The following GABRA2 variants were observed in gnomAD, a reference collection of about 807,000 sequenced individuals.
GABRA2 encodes gamma-aminobutyric acid type A receptor subunit alpha2.
A neutral mutation model predicts 48.7 loss-of-function variants in GABRA2; 16 were observed. That is an observed-to-expected ratio of 0.33 (90% CI 0.22 to 0.50). The LOEUF (loss-of-function observed/expected upper bound fraction) is 0.50. GABRA2 is among the 20% of genes least tolerant of loss of function. The probability of loss-of-function intolerance (pLI) is 0.98; values close to 1 mark genes in which losing one functional copy is unlikely to be tolerated. For missense variants in GABRA2, 275 were observed against 535.6 expected, an observed-to-expected ratio of 0.51 and a Z score of 4.80; for synonymous variants, 185 against 184.5, an observed-to-expected ratio of 1.00 and a Z score of -0.02.
chr4:46,352,531 C>T (rs923891750), intron 3 of GABRA2, among the ~76,000 whole-genome samples: 9 of 151,930 alleles, frequency 5.9e-5, no homozygotes, highest in African/African-American at 1.2e-4. Context: ...AATACAAAAA[C>T]GAAATGCATC....
At chr4:46,378,984 C>T (rs903454504) in intron 3 of GABRA2, among the ~76,000 whole-genome samples, 1 of 152,154 alleles carries the variant, frequency 6.6e-6, no homozygotes, top group African/African-American at 2.4e-5. Context: ...TCCTATAAAA[C>T]AATCACAAGC....
rs1338715111 is a variant in GABRA2, at chr4:46,265,503, T to TATTATATATATATAC, written c.857-3376_857-3375insGTATATATATATAAT. Among the ~76,000 whole-genome samples the TATTATATATATATAC allele has an allele frequency of 5.6e-4, 79 of 139,890 alleles. 1 individual carries two copies. Among genetic ancestry groups the TATTATATATATATAC allele is most frequent in the Middle Eastern group, 3.6e-3 (1 of 276 alleles). 91.8% of individuals were successfully genotyped at this position (139,890 alleles called of 152,430 possible). A position where few individuals can be genotyped will look rare whatever the true frequency, so the allele number is the denominator to read the frequency against. ...TGTATATATTATATATATATATATA[T>TATTATATATATATAC]GTTTTCTCTATGGTCAGAAGTGATG... is the stretch of plus-strand genomic sequence containing the variant. On this transcript the variant is annotated intron_variant, in intron 8 of 9. Coordinates refer to ENST00000381620, the MANE Select transcript of GABRA2 (RefSeq NM_000807.4).
At position 46,389,468 on chromosome 4, in the gene GABRA2, C is replaced by T. The variant is rs1039640184; in HGVS notation, c.-11+267G>A. On this transcript the variant is annotated intron_variant, in intron 1 of 9. Coordinates refer to ENST00000381620, the MANE Select transcript of GABRA2 (RefSeq NM_000807.4). ...CCAGCCAGGCAGGCAGCGGTAATCA[C>T]AGTGAGCAAAGTTGAAGACTATAAA... 5.5e-6 allele frequency: 5 copies of T among 907,152 alleles called. No individual in the cohort carries two copies. In the African/African-American group the frequency reaches 7.2e-5, roughly 13 times the overall value. 56.2% of individuals were successfully genotyped at this position (907,152 alleles called of 1,614,324 possible).
At chr4:46,309,434 G>A (rs1727257425) in intron 6 of GABRA2, among the ~76,000 whole-genome samples, 1 of 152,034 alleles carries the variant, frequency 6.6e-6, no homozygotes, top group East Asian at 1.9e-4. Context: ...AAAAGGTCAG[G>A]CAATAGGACA....
intron 8 of GABRA2, among the ~76,000 whole-genome samples, chr4:46,277,898 A>G (rs549812659): frequency 6.6e-6 from 1 of 152,302 alleles, no homozygotes; most frequent in African/African-American, 2.4e-5. Context: ...CCTATTTTTA[A>G]TCAATGAAAA....
intron 2 of GABRA2, among the ~76,000 whole-genome samples, chr4:46,387,523 C>T (rs1187118763): frequency 2.0e-5 from 3 of 152,066 alleles, no homozygotes; most frequent in African/African-American, 7.2e-5. Context: ...ACTTTATACC[C>T]TCTAGCCTCA....
chr4:46,299,275 G>A (rs1401499994), intron 8 of GABRA2, among the ~76,000 whole-genome samples: 1 of 151,644 alleles, frequency 6.6e-6, no homozygotes, highest in African/African-American at 2.4e-5. Flanking sequence ...TTATATAGGT[G>A]CGTACACTTT....
intron 3 of GABRA2, among the ~76,000 whole-genome samples, chr4:46,352,794 T>C (rs560026179): frequency 2.0e-5 from 3 of 152,182 alleles, no homozygotes; most frequent in African/African-American, 7.2e-5. Flanking sequence ...GATGTGAGCA[T>C]CCATATTGAC....
intron 8 of GABRA2, among the ~76,000 whole-genome samples, chr4:46,289,911 TTA>T (rs1723276854): frequency 7.9e-6 from 1 of 126,298 alleles, no homozygotes; most frequent in Non-Finnish European, 1.5e-5. Flanking sequence ...TTATTTATTT[TTA>T]TTTTTTTTTT....
intron 8 of GABRA2, among the ~76,000 whole-genome samples, chr4:46,265,782 A>C (rs2109371356): frequency 6.6e-6 from 1 of 151,704 alleles, no homozygotes; most frequent in Admixed American, 6.6e-5. Context: ...TTGATTTGAG[A>C]ATTTTTTTTC....
intron 4 of GABRA2, among the ~76,000 whole-genome samples, chr4:46,329,898 T>C (rs189274397): frequency 2.0e-5 from 3 of 152,174 alleles, no homozygotes; most frequent in African/African-American, 7.2e-5. Flanking sequence ...AGCAATCTCA[T>C]AGAAATTTTT....
chr4:46,310,579 CA>C (rs1406699555), intron 5 of GABRA2, among the ~76,000 whole-genome samples: 3 of 151,458 alleles, frequency 2.0e-5, no homozygotes, highest in Admixed American at 1.3e-4. Context: ...TCTTAAGGGC[CA>C]AAAAAAATCT....
At chr4:46,370,191 A>C (rs1321524130) in intron 3 of GABRA2, among the ~76,000 whole-genome samples, 1 of 152,166 alleles carries the variant, frequency 6.6e-6, no homozygotes, top group African/African-American at 2.4e-5. Flanking sequence ...AAGCTGAAAA[A>C]AAAAGCATCA....
In GABRA2 at chr4:46,256,237, G is replaced by T. The variant is rs1322098575; in HGVS notation, c.1060-5633C>A. 2.9e-6 allele frequency: 2 copies of T among 693,216 alleles called. No individual in the cohort carries two copies. The highest frequency in any genetic ancestry group is 5.3e-6 in the Non-Finnish European group (2 of 379,622). The allele number at this position is 693,216 out of a possible 1,614,324, so 42.9% of individuals were successfully genotyped here. ...TTAAACAGTCCATCCACTTCTCTAA[G>T]TACTCTAAAGTCTTTTCTTGGAATA... is the stretch of plus-strand genomic sequence containing the variant. On this transcript the variant is annotated intron_variant, in intron 9 of 9. Coordinates refer to ENST00000381620, the MANE Select transcript of GABRA2 (RefSeq NM_000807.4).
intron 3 of GABRA2, among the ~76,000 whole-genome samples, chr4:46,362,210 T>C (rs554204897): frequency 1.5e-3 from 223 of 152,242 alleles, no homozygotes; most frequent in Non-Finnish European, 2.7e-3. Flanking sequence ...GGGAGGTAAC[T>C]GAATCATGAG....
chr4:46,338,694 T>C (rs2109842959), intron 3 of GABRA2, among the ~76,000 whole-genome samples: 1 of 152,020 alleles, frequency 6.6e-6, no homozygotes, highest in South Asian at 2.1e-4. Context: ...TCTTGGAAAG[T>C]TGCAATTTCC....
At chr4:46,277,143 C>T (rs1403132644) in intron 8 of GABRA2, among the ~76,000 whole-genome samples, 1 of 152,108 alleles carries the variant, frequency 6.6e-6, no homozygotes, top group South Asian at 2.1e-4. Context: ...AGTCAGGCCA[C>T]CTATATTCCT....
At chr4:46,370,388 A>T (rs1250873378) in intron 3 of GABRA2, among the ~76,000 whole-genome samples, 1 of 152,062 alleles carries the variant, frequency 6.6e-6, no homozygotes, top group Admixed American at 6.6e-5. Context: ...AAAGAACAGT[A>T]GAGGGACAAA....
intron 8 of GABRA2, among the ~76,000 whole-genome samples, chr4:46,272,658 G>A (rs1469662892): frequency 1.3e-5 from 2 of 151,866 alleles, no homozygotes; most frequent in African/African-American, 4.8e-5. Context: ...CAAAGTTAAC[G>A]GGGTTCCCCA....
Sources: allele counts gnomAD v4.1 joint callset (sites outside exome capture counted in the v4.1 genomes callset), GRCh38; gene constraint gnomAD v4.1.1; transcripts MANE v1.5; gene names NCBI Gene and HGNC (gene_info 2026-07-23, HGNC 2026-07-21).